Variants in RIMS1 observed in about 807,000 individuals in gnomAD.
RIMS1 encodes regulating synaptic membrane exocytosis protein 1.
In RIMS1, 83 loss-of-function variants were observed where a neutral mutation model predicts 214.1. The observed-to-expected ratio is 0.39, with a 90% CI of 0.32 to 0.47. The LOEUF (loss-of-function observed/expected upper bound fraction) is 0.47. Among genes scored for constraint, RIMS1 ranks in the 20% least tolerant of loss-of-function variants. The pLI is 0.99. For missense variants in RIMS1, 2,050 were observed against 2,161.8 expected, an observed-to-expected ratio of 0.95 and a Z score of 1.03; for synonymous variants, 793 against 786.8, an observed-to-expected ratio of 1.01 and a Z score of -0.13.
At chr6:72,053,621 T>A (rs924790252) in intron 2 of RIMS1, among the ~76,000 whole-genome samples, 3 of 152,158 alleles carry the variant, frequency 2.0e-5, no homozygotes, top group Non-Finnish European at 4.4e-5. Flanking sequence ...CCAAGTGAGG[T>A]GCATTTCATT....
chr6:72,235,647 G>C lies in RIMS1; in HGVS notation c.1776G>C (p.Glu592Asp), dbSNP rs77121218. Residue 592 changes from glutamate to aspartate, a missense_variant, in exon 8 of 34, where the codon GAG (glutamate) becomes GAC (aspartate). Glu to Asp is a conservative substitution (Grantham distance 45, BLOSUM62 2). Transcript: ENST00000521978. ...CTGTAACGTGGCAACCATCTAAAGAGGGGGACCGATTAATTGGACGTGTTA... is the reference window on the plus strand; with the variant it reads ...CTGTAACGTGGCAACCATCTAAAGACGGGGACCGATTAATTGGACGTGTTA... ...SHPVTWQPSKEGDRLIGRVIL... is the reference protein window; with the variant it reads ...SHPVTWQPSKDGDRLIGRVIL... 1.9e-6 allele frequency: 3 copies of C among 1,610,822 alleles called. No individual in the cohort carries two copies. The highest frequency in any genetic ancestry group is 1.7e-5 in the Admixed American group (1 of 59,676).
intron 4 of RIMS1, among the ~76,000 whole-genome samples, chr6:72,174,656 T>C (rs552310357): frequency 1.2e-4 from 19 of 152,314 alleles, no homozygotes; most frequent in South Asian, 4.1e-4. Flanking sequence ...ATTTTGCAGA[T>C]ATTAAAATGC....
At chr6:71,947,488 G>A (rs955310833) in intron 1 of RIMS1, among the ~76,000 whole-genome samples, 2 of 152,064 alleles carry the variant, frequency 1.3e-5, no homozygotes, top group Admixed American at 6.5e-5. Flanking sequence ...TATATGTGGA[G>A]TGTAAAAGTC....
At chr6:72,236,444 C>T (rs1183907127) in intron 8 of RIMS1, among the ~76,000 whole-genome samples, 1 of 152,088 alleles carries the variant, frequency 6.6e-6, no homozygotes, top group Non-Finnish European at 1.5e-5. Context: ...TTTTACTACA[C>T]ATATACAAAA....
intron 1 of RIMS1, among the ~76,000 whole-genome samples, chr6:71,904,085 A>G (rs183534112): frequency 5.3e-5 from 8 of 152,244 alleles, no homozygotes. Context: ...TCTGGAGGAT[A>G]CAGAATAAAG....
At chr6:72,041,713 A>C (rs1821483955) in intron 2 of RIMS1, among the ~76,000 whole-genome samples, 1 of 151,906 alleles carries the variant, frequency 6.6e-6, no homozygotes, top group African/African-American at 2.4e-5. Flanking sequence ...GTTATCAGGG[A>C]GTATGGACCC....
At chr6:72,105,979 T>TACTTTAAAA (rs1162172869) in intron 4 of RIMS1, among the ~76,000 whole-genome samples, 1 of 152,214 alleles carries the variant, frequency 6.6e-6, no homozygotes, top group Non-Finnish European at 1.5e-5. Flanking sequence ...GTTTTGCAGT[T>TACTTTAAAA]ACTTTAAAAA....
chr6:72,120,394 C>A (rs1028911966), intron 4 of RIMS1, among the ~76,000 whole-genome samples: 8 of 151,920 alleles, frequency 5.3e-5, no homozygotes, highest in African/African-American at 1.9e-4. Flanking sequence ...TTGCATTTCT[C>A]TGATGGCCAG....
intron 2 of RIMS1, among the ~76,000 whole-genome samples, chr6:72,064,929 C>T (rs1023873469): frequency 1.3e-5 from 2 of 152,164 alleles, no homozygotes; most frequent in Non-Finnish European, 2.9e-5. Context: ...TTTGCTGTAA[C>T]AGGCGTGGTG....
At chr6:72,116,619 T>TCACAAAGA (rs2037130465) in intron 4 of RIMS1, among the ~76,000 whole-genome samples, 1 of 151,986 alleles carries the variant, frequency 6.6e-6, no homozygotes, top group African/African-American at 2.4e-5. Context: ...AGAGTAAATA[T>TCACAAAGA]CTTAGGCTTT....
intron 11 of RIMS1, among the ~76,000 whole-genome samples, chr6:72,247,120 T>C (rs1642906353): frequency 6.6e-6 from 1 of 152,188 alleles, no homozygotes; most frequent in Non-Finnish European, 1.5e-5. Flanking sequence ...ATAAACACTC[T>C]GTATTGCTCT....
chr6:72,103,282 C>T (rs1400317473), intron 4 of RIMS1, among the ~76,000 whole-genome samples: 1 of 152,032 alleles, frequency 6.6e-6, no homozygotes, highest in East Asian at 1.9e-4. Flanking sequence ...AATGACAAAT[C>T]TATTTTTGAA....
At chr6:71,936,154 C>T (rs1025205658) in intron 1 of RIMS1, among the ~76,000 whole-genome samples, 19 of 151,216 alleles carry the variant, frequency 1.3e-4, no homozygotes, top group Middle Eastern at 3.4e-3. Flanking sequence ...ATCGAGACCC[C>T]GTCTCTACTA....
chr6:72,348,800 G>A (rs909902160), intron 29 of RIMS1, among the ~76,000 whole-genome samples: 20 of 151,678 alleles, frequency 1.3e-4, no homozygotes, highest in Admixed American at 7.9e-4. Context: ...TACAGTAAAT[G>A]TCAAATAAAG....
intron 1 of RIMS1, among the ~76,000 whole-genome samples, chr6:71,892,477 T>C (rs1770216598): frequency 6.6e-6 from 1 of 152,116 alleles, no homozygotes; most frequent in African/African-American, 2.4e-5. Context: ...AGTAACATGT[T>C]CCACCCTTTT....
In RIMS1 at chr6:72,220,588, A is replaced by G. The variant is rs758227654; in HGVS notation, c.1679-13185A>G. On this transcript the variant is annotated intron_variant, in intron 6 of 33. Transcript: ENST00000521978. ...AGCTTCAAATTGCTCTTGCTAAAAA[A>G]ACAAAACAACAACAATAAAAAACCT... Among the ~76,000 whole-genome samples, 8 of 152,238 alleles carry G rather than the reference A, an allele frequency of 5.3e-5. No individual in the cohort carries two copies. In the East Asian group the frequency reaches 1.5e-3, roughly 29 times the overall value.
At position 72,297,097 on chromosome 6, in the gene RIMS1, C is replaced by CTATACATATATATATACATATATA. The variant is rs1334375534; in HGVS notation, c.3850+5066_3850+5067insACATATATATATACATATATATAT. ...ATTTAACAATATTTATATTCAGGCA[C>CTATACATATATATATACATATATA]TATACATATATATATTATTCTGGCA... On this transcript the variant is annotated intron_variant, in intron 26 of 33. Coordinates refer to ENST00000521978, the MANE Select transcript of RIMS1 (RefSeq NM_014989.7). Among the ~76,000 whole-genome samples, 6 of 151,734 alleles carry CTATACATATATATATACATATATA rather than the reference C, an allele frequency of 4.0e-5. No individual in the cohort carries two copies. In the East Asian group the frequency reaches 9.7e-4, roughly 24 times the overall value.
intron 2 of RIMS1, among the ~76,000 whole-genome samples, chr6:72,067,905 G>T: frequency 6.6e-6 from 1 of 152,034 alleles, no homozygotes; most frequent in East Asian, 1.9e-4. Flanking sequence ...ATTATGTGAG[G>T]GCAATGTTTC....
intron 4 of RIMS1, among the ~76,000 whole-genome samples, chr6:72,138,391 CAA>C (rs2041641863): frequency 6.6e-6 from 1 of 152,132 alleles, no homozygotes; most frequent in African/African-American, 2.4e-5. Flanking sequence ...AGCCCATTTA[CAA>C]TTAATCCTCA....
Sources: allele counts gnomAD v4.1 joint callset (sites outside exome capture counted in the v4.1 genomes callset), GRCh38; gene constraint gnomAD v4.1.1; transcripts MANE v1.5; gene names NCBI Gene and HGNC (gene_info 2026-07-23, HGNC 2026-07-21).